The following CPZ variants were observed in gnomAD, a reference collection of about 807,000 sequenced individuals.
The protein encoded by CPZ is VEZT/CPZ fusion.
Under a neutral mutation model 61.8 loss-of-function variants are expected in CPZ, and 103 were observed. The observed-to-expected ratio is 1.67, with a 90% CI of 1.42 to 1.96. The LOEUF is 1.96. Among genes scored for constraint, CPZ ranks in the 30% most tolerant of loss-of-function variants. The probability of loss-of-function intolerance (pLI) is 0.00; values close to 1 mark genes in which losing one functional copy is unlikely to be tolerated. For synonymous variants in CPZ, 551 were observed against 373.7 expected, an observed-to-expected ratio of 1.47 and a Z score of -5.47; for missense variants, 1,461 against 914.9, an observed-to-expected ratio of 1.60 and a Z score of -7.70.
intron 3 of CPZ, chr4:8,602,352 A>G (rs955912218): frequency 6.6e-6 from 1 of 152,318 alleles, no homozygotes; most frequent in Non-Finnish European, 1.5e-5. Flanking sequence ...CAAGACAGTT[A>G]CCACTGGCCG....
intron 9 of CPZ, among the ~76,000 whole-genome samples, chr4:8,615,122 AG>A (rs1220623413): frequency 1.3e-5 from 2 of 151,954 alleles, no homozygotes; most frequent in African/African-American, 4.8e-5. Context: ...TGGCTGGCAG[AG>A]GCTGGGGGCG....
chr4:8,600,260 A>G (rs1399385511), intron 2 of CPZ, among the ~76,000 whole-genome samples: 2 of 152,192 alleles, frequency 1.3e-5, no homozygotes, highest in African/African-American at 4.8e-5. Context: ...TACAGGCGTT[A>G]GCCACCTTGC....
At chr4:8,616,845 T>C (rs1200195342) in intron 9 of CPZ, among the ~76,000 whole-genome samples, 2 of 152,164 alleles carry the variant, frequency 1.3e-5, no homozygotes, top group Non-Finnish European at 2.9e-5. Context: ...AGCAGCGAAG[T>C]GTGGACAAGA....
chr4:8,605,322 T>TCATCCATC (rs6148295), intron 4 of CPZ, among the ~76,000 whole-genome samples: 1,968 of 150,074 alleles, frequency 0.013, 26 homozygotes, highest in African/African-American at 0.021. Context: ...ATTCATTTAT[T>TCATCCATC]CATCCATCCA....
chr4:8,616,516 G>C (rs1374814996), intron 9 of CPZ, among the ~76,000 whole-genome samples: 1 of 152,228 alleles, frequency 6.6e-6, no homozygotes, highest in East Asian at 1.9e-4. Context: ...TGGGGCCGTG[G>C]GGCCCTGGGG....
chr4:8,610,040 C>G (rs1315879980), intron 7 of CPZ, among the ~76,000 whole-genome samples: 2 of 152,212 alleles, frequency 1.3e-5, no homozygotes, highest in Non-Finnish European at 2.9e-5. Flanking sequence ...CCTGCTCATG[C>G]TGTGTCCTGC....
rs374250963 is a variant in CPZ at position 8,612,158 on chromosome 4, G to A, written c.1359G>A (p.Thr453=). ...ACGGGGCGGACTGGTACAGCTTCAC[G>A]GGAGGTGCGGCTTCCGCAGGGCGGG... is the stretch of plus-strand genomic sequence containing the variant. ...IINGADWYSF[T]GGMSDFNYLH... Residue 453 remains threonine, a synonymous_variant, in exon 8 of 11, where the codon ACG becomes ACA. Transcript: ENST00000360986. The A allele has an allele frequency of 1.6e-4, 236 of 1,511,244 alleles. No individual in the cohort carries two copies. The highest frequency in any genetic ancestry group is 1.9e-4 in the Non-Finnish European group (215 of 1,131,120). 93.6% of individuals were successfully genotyped at this position (1,511,244 alleles called of 1,614,324 possible). A position where few individuals can be genotyped will look rare whatever the true frequency, so the allele number is the denominator to read the frequency against.
chr4:8,598,729 T>C (rs1216227364), intron 1 of CPZ, among the ~76,000 whole-genome samples: 1 of 152,284 alleles, frequency 6.6e-6, no homozygotes, highest in Non-Finnish European at 1.5e-5. Flanking sequence ...TCCCACTTCA[T>C]ACAGGGCCCT....
At chr4:8,618,334 C>A in intron 9 of CPZ, 95 bp from the exon 10 acceptor site, 2 of 1,221,536 alleles carry the variant, frequency 1.6e-6, no homozygotes, top group South Asian at 1.3e-5. Flanking sequence ...CCCTAGATAC[C>A]AAGCTCTGAG....
chr4:8,607,047 C>G (rs189307118), intron 6 of CPZ, 149 bp downstream of exon 6: 3 of 1,095,882 alleles, frequency 2.7e-6, no homozygotes, highest in Non-Finnish European at 3.8e-6. Context: ...AATGGGAACA[C>G]CTCCTTGCTG....
chr4:8,598,883 A>G (rs918793569), intron 1 of CPZ, among the ~76,000 whole-genome samples: 1 of 152,188 alleles, frequency 6.6e-6, no homozygotes, highest in Non-Finnish European at 1.5e-5. Flanking sequence ...TGTTCTTGGA[A>G]GAGGGCCCCT....
At chr4:8,599,336 CTGGCGGAGGG>C in intron 1 of CPZ, 107 bp from the exon 2 acceptor site, 1 of 1,221,350 alleles carries the variant, frequency 8.2e-7, no homozygotes, top group Non-Finnish European at 1.1e-6. Context: ...TGAGATGGAG[CTGGCGGAGGG>C]TGGCCTGGGC....
chr4:8,610,258 C>G (rs1715540129), intron 7 of CPZ, among the ~76,000 whole-genome samples: 1 of 152,222 alleles, frequency 6.6e-6, no homozygotes, highest in Admixed American at 6.5e-5. Flanking sequence ...CGCCCAGCCT[C>G]TGGACCGACA....
At chr4:8,609,122 A>ACCCATTCACTCACTCACTT (rs1715346159) in intron 7 of CPZ, among the ~76,000 whole-genome samples, 1 of 13,036 alleles carries the variant, frequency 7.7e-5, no homozygotes, top group South Asian at 6.3e-3. Context: ...TCACTCCCTC[A>ACCCATTCACTCACTCACTT]CTCATTCACT....
intron 2 of CPZ, chr4:8,600,873 G>A: frequency 3.3e-6 from 4 of 1,202,878 alleles, no homozygotes; most frequent in Non-Finnish European, 4.2e-6. Context: ...GAGACGCCGA[G>A]GCTCAGGGCA....
In CPZ at chr4:8,612,024, C is replaced by T. The variant is rs774174865; in HGVS notation, c.1228-3C>T. The T allele has an allele frequency of 6.2e-7, 1 of 1,613,952 alleles. No homozygotes were observed. ...CCTTATCTGAGCCAGGTTTCTTTTC[C>T]AGATGTTCAAGCTGCTGTCCAGAGC... On this transcript the variant is annotated splice_region_variant and splice_polypyrimidine_tract_variant and intron_variant, in intron 7 of 10. Transcript: ENST00000360986.
chr4:8,606,932 C>G, intron 6 of CPZ, 34 bp downstream of exon 6: 2 of 1,557,582 alleles, frequency 1.3e-6, no homozygotes, highest in South Asian at 1.2e-5. Flanking sequence ...TGGTCTCCAC[C>G]AAGGCATCCA....
At position 8,611,213 on chromosome 4, in the gene CPZ, G is replaced by A. The variant is rs763799520; in HGVS notation, c.1228-814G>A. 7 of 456,078 alleles carry A rather than the reference G, an allele frequency of 1.5e-5. No individual in the cohort carries two copies. In the East Asian group the frequency reaches 4.9e-4, roughly 32 times the overall value. The allele number at this position is 456,078 out of a possible 1,614,324, so 28.3% of individuals were successfully genotyped here. Reference sequence around the variant, plus strand: ...CTGTCCTGCTTGGTGGGGCCCTGATGAGCTCATGCAGGGTGAGCCCTTCGC... The same window carrying A: ...CTGTCCTGCTTGGTGGGGCCCTGATAAGCTCATGCAGGGTGAGCCCTTCGC... On this transcript the variant is annotated intron_variant, in intron 7 of 10. Coordinates refer to ENST00000360986, the MANE Select transcript of CPZ (RefSeq NM_001014447.3).
chr4:8,600,177 G>A (rs1008743376), intron 2 of CPZ, among the ~76,000 whole-genome samples: 4 of 152,204 alleles, frequency 2.6e-5, no homozygotes, highest in South Asian at 2.1e-4. Context: ...AGGTCTTGCT[G>A]TGTTACCCAG....
Sources: allele counts gnomAD v4.1 joint callset (sites outside exome capture counted in the v4.1 genomes callset), GRCh38; gene constraint gnomAD v4.1.1; transcripts MANE v1.5; gene names NCBI Gene and HGNC (gene_info 2026-07-23, HGNC 2026-07-21).